The following CADPS2 variants were observed in gnomAD, a reference collection of about 807,000 sequenced individuals.
CADPS2 encodes the protein calcium dependent secretion activator 2, also known as calcium-dependent secretion activator 2.
CADPS2 carries 93 observed loss-of-function variants against 172.5 expected under a neutral mutation model. The observed-to-expected ratio is 0.54, with a 90% CI of 0.46 to 0.64. The LOEUF is 0.64. Ranked by LOEUF, CADPS2 falls within the 30% of genes least tolerant of loss-of-function variation. CADPS2 has a pLI of 0.00. For missense variants in CADPS2, 1,420 were observed against 1,565.9 expected (o/e 0.91, Z 1.57); for synonymous variants, 546 against 555.2 (o/e 0.98, Z 0.23).
intron 7 of CADPS2, among the ~76,000 whole-genome samples, chr7:122,563,341 T>C (rs2065991098): frequency 6.6e-6 from 1 of 152,200 alleles, no homozygotes; most frequent in South Asian, 2.1e-4. Context: ...TTCTTTTTAC[T>C]AGTCTGATTA....
At chr7:122,425,223 C>G (rs531013417) in intron 17 of CADPS2, among the ~76,000 whole-genome samples, 59 of 151,878 alleles carry the variant, frequency 3.9e-4, no homozygotes, top group African/African-American at 1.4e-3. Flanking sequence ...TCAAGTGATC[C>G]ATCTTTATCA....
intron 3 of CADPS2, among the ~76,000 whole-genome samples, chr7:122,635,354 G>A (rs561572959): frequency 6.6e-6 from 1 of 151,632 alleles, no homozygotes; most frequent in South Asian, 2.1e-4. Flanking sequence ...ATGTATACAT[G>A]TGCCATGCTG....
intron 3 of CADPS2, among the ~76,000 whole-genome samples, chr7:122,642,832 C>T (rs79400731): frequency 0.17 from 26,347 of 151,954 alleles, 3,072 homozygotes; most frequent in Non-Finnish European, 0.26. Flanking sequence ...TAGTTAACTG[C>T]ACTCTTCCTT....
At chr7:122,549,957 A>T (rs2064049791) in intron 8 of CADPS2, among the ~76,000 whole-genome samples, 1 of 152,156 alleles carries the variant, frequency 6.6e-6, no homozygotes, top group Non-Finnish European at 1.5e-5. Context: ...CCTCCCCTAA[A>T]TTAGTTGGAG....
chr7:122,395,060 A>G lies in CADPS2; in HGVS notation c.2747-1478T>C, dbSNP rs534937931. On this transcript the variant is annotated intron_variant, in intron 20 of 29. Transcript: ENST00000449022. Reference sequence around the variant, plus strand: ...CTAGCAACTCCAATAGCAGTGTCTTATAAAATATTCACTATGACAACTTCC... The same window carrying G: ...CTAGCAACTCCAATAGCAGTGTCTTGTAAAATATTCACTATGACAACTTCC... Among the ~76,000 whole-genome samples the G allele has an allele frequency of 1.6e-4, 24 of 152,316 alleles. 1 individual carries two copies. In the South Asian group the frequency reaches 4.6e-3, roughly 29 times the overall value.
chr7:122,779,558 G>A (rs1414226891), intron 1 of CADPS2, among the ~76,000 whole-genome samples: 2 of 152,188 alleles, frequency 1.3e-5, no homozygotes, highest in Admixed American at 1.3e-4. Context: ...GAGTGGACAA[G>A]AAAGAGAGTG....
Position 122,320,295 on chromosome 7 carries a change from G to A in CADPS2, c.3761C>T (p.Thr1254Ile), listed in dbSNP as rs765328254. ...DFRLQGVLEG[T>I]LNSKTYDTVH... Reference sequence around the variant, plus strand: ...AGTATCATAAGTCTTACTGTTCAGTGTTCCTTCCAACACACCCTGCAATCG... The same window carrying A: ...AGTATCATAAGTCTTACTGTTCAGTATTCCTTCCAACACACCCTGCAATCG... Residue 1254 changes from threonine (T) to isoleucine (I), a missense_variant, in exon 30 of 30, where the codon ACA becomes ATA. By Grantham distance (89) the Thr-to-Ile change is moderately conservative. Transcript: ENST00000449022. 2.5e-6 allele frequency: 4 copies of A among 1,609,740 alleles called. No individual in the cohort carries two copies. The East Asian group carries it at 8.9e-5, about 36-fold the overall frequency.
chr7:122,699,348 CA>C (rs1277536624), intron 2 of CADPS2, among the ~76,000 whole-genome samples: 1 of 152,076 alleles, frequency 6.6e-6, no homozygotes, highest in Non-Finnish European at 1.5e-5. Flanking sequence ...ATCTAAAATT[CA>C]TACAATGTGT....
At chr7:122,495,687 T>C (rs1275784662) in intron 9 of CADPS2, among the ~76,000 whole-genome samples, 1 of 152,164 alleles carries the variant, frequency 6.6e-6, no homozygotes, top group African/African-American at 2.4e-5. Flanking sequence ...AACTGCTAGG[T>C]TGTTGGGTGC....
chr7:122,360,738 T>A (rs1282596523), intron 27 of CADPS2, 50 bp downstream of exon 27: 7 of 1,506,734 alleles, frequency 4.6e-6, no homozygotes, highest in Non-Finnish European at 6.2e-6. Context: ...ACTGCAATTT[T>A]TTTTTAAAGA....
At chr7:122,663,211 A>G (rs1588226558) in intron 3 of CADPS2, 26 bp downstream of exon 3, 1 of 1,499,236 alleles carries the variant, frequency 6.7e-7, no homozygotes, top group Non-Finnish European at 9.2e-7. Context: ...CAGACAGGGG[A>G]AGGGAAAATA....
At chr7:122,472,715 C>T (rs2056138971) in intron 13 of CADPS2, among the ~76,000 whole-genome samples, 1 of 152,104 alleles carries the variant, frequency 6.6e-6, no homozygotes, top group Non-Finnish European at 1.5e-5. Flanking sequence ...TGTGTTTGTC[C>T]ATGAAAAGAT....
At position 122,621,827 on chromosome 7, in the gene CADPS2, AAT is replaced by A. The variant is rs1302657862; in HGVS notation, c.868-112_868-111del. 5.4e-5 allele frequency: 36 copies of A among 672,292 alleles called. No homozygotes were observed. In the East Asian group the frequency reaches 9.8e-4, roughly 18 times the overall value. 41.6% of individuals were successfully genotyped at this position (672,292 alleles called of 1,614,324 possible). A position where few individuals can be genotyped will look rare whatever the true frequency, so the allele number is the denominator to read the frequency against. ...CTGTCTTAGAAATTACAACACTCTCAATATATCTATCCTACTTGAGTCACTAG... is the reference window on the plus strand; with the variant it reads ...CTGTCTTAGAAATTACAACACTCTCAATATCTATCCTACTTGAGTCACTAG... On this transcript the variant is annotated intron_variant, in intron 4 of 29. Transcript: ENST00000449022.
At chr7:122,415,830 T>C (rs1276838079) in intron 18 of CADPS2, among the ~76,000 whole-genome samples, 1 of 152,190 alleles carries the variant, frequency 6.6e-6, no homozygotes, top group Non-Finnish European at 1.5e-5. Flanking sequence ...ACACACACAA[T>C]TGCTTTGTAA....
At chr7:122,430,329 A>C (rs191503239) in intron 17 of CADPS2, among the ~76,000 whole-genome samples, 45 of 152,330 alleles carry the variant, frequency 3.0e-4, no homozygotes, top group African/African-American at 1.0e-3. Flanking sequence ...TTATATCTTA[A>C]ATCACAATAT....
At chr7:122,612,895 C>G (rs2074462653) in intron 6 of CADPS2, among the ~76,000 whole-genome samples, 1 of 152,010 alleles carries the variant, frequency 6.6e-6, no homozygotes, top group South Asian at 2.1e-4. Flanking sequence ...ATTCATGTAT[C>G]TATGGTCAAC....
intron 2 of CADPS2, among the ~76,000 whole-genome samples, chr7:122,712,943 C>T (rs189372709): frequency 6.6e-6 from 1 of 152,150 alleles, no homozygotes; most frequent in East Asian, 1.9e-4. Flanking sequence ...CTAATACCAT[C>T]ACCTTGGGGG....
At chr7:122,830,910 A>G (rs952670267) in intron 1 of CADPS2, among the ~76,000 whole-genome samples, 2 of 152,216 alleles carry the variant, frequency 1.3e-5, no homozygotes, top group Admixed American at 6.5e-5. Context: ...TAAAAAAGCA[A>G]TCAGATCTGT....
intron 1 of CADPS2, among the ~76,000 whole-genome samples, chr7:122,791,299 C>T (rs772070272): frequency 8.6e-5 from 13 of 151,956 alleles, no homozygotes; most frequent in Admixed American, 1.3e-4. Flanking sequence ...AAGGAAACCA[C>T]GGATGGTATG....
Sources: gnomAD v4.1 joint callset for allele counts (sites outside exome capture counted in the v4.1 genomes callset) on GRCh38, gnomAD v4.1.1 for gene constraint, MANE v1.5 for transcripts, NCBI Gene and HGNC (gene_info 2026-07-23, HGNC 2026-07-21) for gene names.